TRIP11: variants seen among roughly 807,000 people sequenced by gnomAD.
TRIP11 encodes thyroid receptor-interacting protein 11.
Under a neutral mutation model 223.1 loss-of-function variants are expected in TRIP11, and 148 were observed. That is an observed-to-expected ratio of 0.66 (90% CI 0.58 to 0.76). The LOEUF (loss-of-function observed/expected upper bound fraction) is 0.76. Ranked by LOEUF, TRIP11 falls within the 30% of genes least tolerant of loss-of-function variation. TRIP11 has a pLI of 0.00. For synonymous variants in TRIP11, 762 were observed against 772.6 expected (o/e 0.99, Z 0.23); for missense variants, 2,043 against 2,222.0 (o/e 0.92, Z 1.62).
intron 2 of TRIP11, chr14:92,030,758 G>A (rs1218785008): frequency 3.3e-5 from 5 of 152,170 alleles, no homozygotes; most frequent in Non-Finnish European, 7.3e-5. Flanking sequence ...GCTGAAAGCA[G>A]GTGTGTACAC....
intron 3 of TRIP11, 94 bp downstream of exon 3, chr14:92,025,216 G>A: frequency 1.0e-6 from 1 of 956,922 alleles, no homozygotes; most frequent in Non-Finnish European, 1.6e-6. Context: ...TATTTTTACA[G>A]ATCTGAATAT....
rs190861082 is a variant in TRIP11, at chr14:92,036,347, G to A, written c.140-3094C>T. Among the ~76,000 whole-genome samples, 710 of 152,248 alleles carry A rather than the reference G, an allele frequency of 4.7e-3. 7 individuals carry two copies. Among genetic ancestry groups the A allele is most frequent in the African/African-American group, 0.016 (676 of 41,530 alleles). On this transcript the variant is annotated intron_variant, in intron 1 of 20. Coordinates refer to ENST00000267622, the MANE Select transcript of TRIP11 (RefSeq NM_004239.4). ...ACATTTACCATTCATTAATGTTTAC[G>A]ATTCGGTAGACACAATTCCAGGCAT...
intron 18 of TRIP11, 70 bp from the exon 19 acceptor site, chr14:91,974,813 A>AT: frequency 8.2e-7 from 1 of 1,220,246 alleles, no homozygotes; most frequent in South Asian, 1.4e-5. Context: ...GACCACTTTT[A>AT]TATAATTTCT....
chr14:92,033,980 T>C (rs1033273407), intron 1 of TRIP11, among the ~76,000 whole-genome samples: 2 of 152,204 alleles, frequency 1.3e-5, no homozygotes, highest in Admixed American at 6.5e-5. Context: ...GCCCACTGTA[T>C]GAGAGTGAAG....
In TRIP11 at chr14:92,003,534, G is replaced by T. The variant is rs756561387; in HGVS notation, c.4442C>A (p.Ala1481Glu). ...TYRGKETEYQ[A>E]LQETNMKFSM... ...AAACTTCATGTTAGTCTCTTGTAAC[G>T]CTTGATATTCTGTTTCCTTTCCCCT... Residue 1481 changes from alanine (A) to glutamate (E), a missense_variant, in exon 11 of 21, where the codon GCG (alanine) becomes GAG (glutamate). Ala to Glu is a moderately radical substitution (Grantham distance 107). Coordinates refer to ENST00000267622, the MANE Select transcript of TRIP11 (RefSeq NM_004239.4). 1.9e-6 allele frequency: 3 copies of T among 1,613,976 alleles called. No individual in the cohort carries two copies. The highest frequency in any genetic ancestry group is 4.5e-5 in the East Asian group (2 of 44,864).
Position 92,005,435 on chromosome 14 carries a change from GGTCT to G in TRIP11, c.2537_2540del (p.Gln846ProfsTer2). 1.2e-6 allele frequency: 2 copies of G among 1,613,796 alleles called. No individual in the cohort carries two copies. The highest frequency in any genetic ancestry group is 1.3e-5 in the African/African-American group (1 of 74,924). On this transcript the variant is annotated frameshift_variant, in exon 11 of 21. Coordinates refer to ENST00000267622, the MANE Select transcript of TRIP11 (RefSeq NM_004239.4). LOFTEE classifies it high-confidence loss of function. Reference sequence around the variant, plus strand: ...CAAGACTTCGGTCTTTTTCCTCTATGGTCTGTCTTAAAATTTCATTTTTTCTTAA... The same window carrying G: ...CAAGACTTCGGTCTTTTTCCTCTATGGTCTTAAAATTTCATTTTTTCTTAA...
chr14:92,039,231 T>C (rs2057356731), intron 1 of TRIP11, among the ~76,000 whole-genome samples: 1 of 152,120 alleles, frequency 6.6e-6, no homozygotes, highest in African/African-American at 2.4e-5. Flanking sequence ...GCCCCCAAAC[T>C]GAGGGCAAAG....
intron 11 of TRIP11, among the ~76,000 whole-genome samples, chr14:92,000,665 A>G (rs1333468504): frequency 6.6e-6 from 1 of 152,206 alleles, no homozygotes; most frequent in African/African-American, 2.4e-5. Context: ...ACAACAAAGT[A>G]TTCAGAACCC....
rs2140118133 is a variant in TRIP11, at chr14:92,005,143, A to G, written c.2833T>C (p.Tyr945His). 1 of 1,613,598 alleles carries G rather than the reference A, an allele frequency of 6.2e-7. No individual in the cohort carries two copies. The highest frequency in any genetic ancestry group is 1.3e-5 in the African/African-American group (1 of 75,054). Reference sequence around the variant, plus strand: ...GTGGCGTTCATTTGCTCATGCTGGTATCTAAACTCATCCATTTCCTTCTTT... The same window carrying G: ...GTGGCGTTCATTTGCTCATGCTGGTGTCTAAACTCATCCATTTCCTTCTTT... Reference protein sequence around the residue: ...EQKKEMDEFRYQHEQMNATHT... With the variant: ...EQKKEMDEFRHQHEQMNATHT... Residue 945 changes from tyrosine to histidine, a missense_variant, in exon 11 of 21, where the codon TAC (tyrosine) becomes CAC (histidine). Tyr to His is a moderately conservative substitution (Grantham distance 83, BLOSUM62 2). Transcript: ENST00000267622.
At chr14:91,972,061 T>C (rs977754207) in intron 20 of TRIP11, among the ~76,000 whole-genome samples, 1 of 152,290 alleles carries the variant, frequency 6.6e-6, no homozygotes. Context: ...CAATTTCAAT[T>C]GATAAATTTT....
chr14:91,968,565 G>A lies in TRIP11; in HGVS notation c.*1108C>T, dbSNP rs2056362881. On this transcript the variant is annotated 3_prime_UTR_variant, in exon 21 of 21. Transcript: ENST00000267622. ...CGTAGATGCAGCTGTATGGTTTAATGCTTATATGAAAGTTGCATGAATTTG... is the reference window on the plus strand; with the variant it reads ...CGTAGATGCAGCTGTATGGTTTAATACTTATATGAAAGTTGCATGAATTTG... 8 of 217,276 alleles carry A rather than the reference G, an allele frequency of 3.7e-5. 1 individual carries two copies. In the Middle Eastern group the frequency reaches 4.3e-3, roughly 118 times the overall value. The allele number at this position is 217,276 out of a possible 1,614,324, so 13.5% of individuals were successfully genotyped here.
At chr14:92,026,567 T>C in intron 2 of TRIP11, 1 of 1,271,896 alleles carries the variant, frequency 7.9e-7, no homozygotes, top group Admixed American at 1.7e-5. Flanking sequence ...TGCCCTACCA[T>C]GTCAGACGCA....
intron 3 of TRIP11, among the ~76,000 whole-genome samples, chr14:92,024,162 G>C (rs2057148796): frequency 6.6e-6 from 1 of 152,130 alleles, no homozygotes; most frequent in African/African-American, 2.4e-5. Flanking sequence ...CAGATCACCT[G>C]AGGTCAGGAG....
Position 92,005,935 on chromosome 14 carries a change from T to C in TRIP11, c.2041A>G (p.Lys681Glu), listed in dbSNP as rs774891720. The C allele has an allele frequency of 8.1e-6, 13 of 1,613,566 alleles. No homozygotes were observed. The Middle Eastern group carries it at 8.3e-4, about 102-fold the overall frequency. The change falls in exon 11 of 21, where the codon AAG (lysine) becomes GAG (glutamate). Residue 681 changes from lysine (K) to glutamate (E), a missense_variant. Coordinates refer to ENST00000267622, the MANE Select transcript of TRIP11 (RefSeq NM_004239.4). ...ACATCTTCACATGCTAAAACTAACTTTTCATTTTCCATTTTGACATCAAAA... is the reference window on the plus strand; with the variant it reads ...ACATCTTCACATGCTAAAACTAACTCTTCATTTTCCATTTTGACATCAAAA... ...VAFDVKMENE[K>E]LVLACEDVRH...
intron 16 of TRIP11, among the ~76,000 whole-genome samples, chr14:91,983,103 C>T (rs183989384): frequency 6.6e-6 from 1 of 152,302 alleles, no homozygotes; most frequent in Admixed American, 6.5e-5. Context: ...CAAGTGAGCC[C>T]TTCACTAACC....
At chr14:91,979,648 G>C (rs1253271137) in intron 16 of TRIP11, among the ~76,000 whole-genome samples, 1 of 152,094 alleles carries the variant, frequency 6.6e-6, no homozygotes, top group African/African-American at 2.4e-5. Context: ...AATGTACTCT[G>C]ATATTTGAGT....
Position 92,004,353 on chromosome 14 carries a change from A to C in TRIP11, c.3623T>G (p.Leu1208Arg). Residue 1208 changes from leucine (L) to arginine (R), a missense_variant, in exon 11 of 21, where the codon CTA becomes CGA. Leu to Arg is a moderately radical substitution (Grantham distance 102). Transcript: ENST00000267622. ...GVNSNQFEEL[L>R]QERDKLKQQV... ...CTGTTTTAACTTGTCACGTTCCTGT[A>C]GAAGCTCCTCAAATTGATTACTATT... 6.2e-7 allele frequency: 1 copy of C among 1,614,090 alleles called. No individual in the cohort carries two copies. Among genetic ancestry groups the C allele is most frequent in the Non-Finnish European group, 8.5e-7 (1 of 1,180,012 alleles).
rs538022016 is a variant in TRIP11 at position 91,967,097 on chromosome 14, T to C, written c.*2576A>G. The C allele has an allele frequency of 3.3e-5, 6 of 182,840 alleles. No homozygotes were observed. Among genetic ancestry groups the C allele is most frequent in the Middle Eastern group, 2.0e-3 (1 of 496 alleles). The allele number at this position is 182,840 out of a possible 1,614,324, so 11.3% of individuals were successfully genotyped here. ...ACTTAGTATACATACCAGTCAGCTA[T>C]AGTTTCAATGACACAATGAAAACAT... is the stretch of plus-strand genomic sequence containing the variant. On this transcript the variant is annotated 3_prime_UTR_variant, in exon 21 of 21. Transcript: ENST00000267622.
At chr14:91,977,220 G>T in intron 16 of TRIP11, 1 of 454,890 alleles carries the variant, frequency 2.2e-6, no homozygotes, top group South Asian at 1.6e-5. Flanking sequence ...CCCATTCTGT[G>T]AGTTGTCATC....
Sources: gnomAD v4.1 joint callset for allele counts (sites outside exome capture counted in the v4.1 genomes callset) on GRCh38, gnomAD v4.1.1 for gene constraint, MANE v1.5 for transcripts, NCBI Gene and HGNC (gene_info 2026-07-23, HGNC 2026-07-21) for gene names.